Variants in TENM4 observed in about 807,000 individuals in gnomAD.
The protein encoded by TENM4 is teneurin-4.
Under a neutral mutation model 243.3 loss-of-function variants are expected in TENM4, and 82 were observed. The ratio of observed to expected loss-of-function variants is 0.34; its 90% CI spans 0.28 to 0.40. The LOEUF (loss-of-function observed/expected upper bound fraction) is 0.40. TENM4 is among the 10% of genes least tolerant of loss of function. The pLI, the probability that TENM4 is intolerant of heterozygous loss-of-function variation, is 1.00. For synonymous variants in TENM4, 1,412 were observed against 1,456.3 expected (o/e 0.97, Z 0.69); for missense variants, 3,138 against 3,673.3 (o/e 0.85, Z 3.77).
chr11:78,950,835 G>T (rs1388714765), intron 6 of TENM4, among the ~76,000 whole-genome samples: 1 of 152,196 alleles, frequency 6.6e-6, no homozygotes, highest in Non-Finnish European at 1.5e-5. Flanking sequence ...AATAATGACA[G>T]AGCCAACATT....
chr11:79,111,806 TG>T (rs1024904309), intron 4 of TENM4, among the ~76,000 whole-genome samples: 49 of 151,906 alleles, frequency 3.2e-4, no homozygotes, highest in Admixed American at 3.1e-3. Context: ...CAGAAGAACA[TG>T]GGTCATACAG....
At chr11:79,265,253 G>A (rs1355290890) in intron 2 of TENM4, among the ~76,000 whole-genome samples, 1 of 152,192 alleles carries the variant, frequency 6.6e-6, no homozygotes, top group Non-Finnish European at 1.5e-5. Context: ...GCACATGAAT[G>A]AAGGGGTGAG....
At chr11:78,792,962 C>T (rs1343628336) in intron 15 of TENM4, among the ~76,000 whole-genome samples, 1 of 152,018 alleles carries the variant, frequency 6.6e-6, no homozygotes, top group African/African-American at 2.4e-5. Flanking sequence ...GAGGAAGAGG[C>T]GAAAGAGCAG....
chr11:78,732,381 G>C lies in TENM4; in HGVS notation c.3073C>G (p.Pro1025Ala). ...NFARPNPVVS[P>A]SPLTSFASSC... ...CTGGCGAAGGACGTCAGTGGGGATG[G>C]AGAGACGACTGGGTTGGGGCGGGCA... Residue 1025 changes from proline to alanine, a missense_variant, in exon 21 of 34, where the codon CCA becomes GCA. By Grantham distance (27) the Pro-to-Ala change is conservative (BLOSUM62 -1). Around this residue, in one of 2 missense-constraint regions of TENM4, gnomAD observed 2,467 missense variants for 3,059.1 expected, o/e 0.81. Transcript: ENST00000278550. 6 of 1,614,024 alleles carry C rather than the reference G, an allele frequency of 3.7e-6. No homozygotes were observed. Among genetic ancestry groups the C allele is most frequent in the Non-Finnish European group, 5.1e-6 (6 of 1,179,874 alleles).
At chr11:79,168,051 T>C (rs1376652762) in intron 3 of TENM4, among the ~76,000 whole-genome samples, 1 of 152,204 alleles carries the variant, frequency 6.6e-6, no homozygotes, top group Non-Finnish European at 1.5e-5. Flanking sequence ...GGGCCATGGT[T>C]AGATCATTGT....
chr11:79,385,945 A>G (rs1858103108), intron 1 of TENM4, among the ~76,000 whole-genome samples: 1 of 152,340 alleles, frequency 6.6e-6, no homozygotes, highest in South Asian at 2.1e-4. Context: ...AACAGCACAG[A>G]ACAATCCCCC....
chr11:79,386,177 T>C (rs1858107988), intron 1 of TENM4, among the ~76,000 whole-genome samples: 1 of 152,100 alleles, frequency 6.6e-6, no homozygotes, highest in South Asian at 2.1e-4. Flanking sequence ...AGAGTGGTCT[T>C]TACAATAGAC....
In TENM4 at chr11:79,100,587, C is replaced by T. The variant is rs140959351; in HGVS notation, c.-65-30578G>A. ...GGGAATTTGTCTGTCTCATTTCCCA[C>T]GACATCATCCCTGTACCTATGGCGC... On this transcript the variant is annotated intron_variant, in intron 4 of 33. Coordinates refer to ENST00000278550, the MANE Select transcript of TENM4 (RefSeq NM_001098816.3). Among the ~76,000 whole-genome samples, 30 of 152,268 alleles carry T rather than the reference C, an allele frequency of 2.0e-4. 1 individual carries two copies. The highest frequency in any genetic ancestry group is 6.3e-4 in the African/African-American group (26 of 41,534).
At chr11:78,664,546 T>G (rs1858104609) in intron 32 of TENM4, among the ~76,000 whole-genome samples, 2 of 152,192 alleles carry the variant, frequency 1.3e-5, no homozygotes, top group Admixed American at 1.3e-4. Flanking sequence ...TTTTGAAGAA[T>G]GCAGCTCAGT....
chr11:79,433,190 C>G (rs1230634562), intron 1 of TENM4, among the ~76,000 whole-genome samples: 1 of 152,200 alleles, frequency 6.6e-6, no homozygotes, highest in Non-Finnish European at 1.5e-5. Flanking sequence ...CAGTAGATAG[C>G]TTGAAATCTT....
intron 1 of TENM4, among the ~76,000 whole-genome samples, chr11:79,383,433 C>G (rs1455470126): frequency 2.0e-5 from 3 of 152,224 alleles, no homozygotes; most frequent in Non-Finnish European, 4.4e-5. Flanking sequence ...TTCCTTCATT[C>G]AAGTCTCTTT....
intron 2 of TENM4, among the ~76,000 whole-genome samples, chr11:79,225,246 G>T (rs1184696963): frequency 2.0e-5 from 3 of 152,204 alleles, no homozygotes; most frequent in African/African-American, 7.2e-5. Flanking sequence ...AAGCACGTCT[G>T]CAGTGAGAGA....
chr11:78,734,620 G>C (rs1428095039), intron 20 of TENM4, among the ~76,000 whole-genome samples: 5 of 152,000 alleles, frequency 3.3e-5, no homozygotes, highest in Admixed American at 3.3e-4. Context: ...TTCAAAGCCT[G>C]TCTTAATTGG....
At chr11:79,192,358 G>T (rs1463231820) in intron 3 of TENM4, among the ~76,000 whole-genome samples, 3 of 152,224 alleles carry the variant, frequency 2.0e-5, no homozygotes, top group African/African-American at 7.2e-5. Context: ...TGAGAAATCG[G>T]ATGGTTGCCG....
chr11:78,745,583 G>C (rs1274766977), intron 19 of TENM4, among the ~76,000 whole-genome samples: 1 of 152,122 alleles, frequency 6.6e-6, no homozygotes, highest in African/African-American at 2.4e-5. Flanking sequence ...TGCCTCATGT[G>C]CTGGTCCAGA....
chr11:79,267,994 A>T (rs1436717010), intron 2 of TENM4, among the ~76,000 whole-genome samples: 2 of 152,244 alleles, frequency 1.3e-5, no homozygotes, highest in African/African-American at 4.8e-5. Context: ...AGGAATCTGC[A>T]GTTTTACTAG....
rs190271657 is a variant in TENM4 at position 79,215,825 on chromosome 11, C to G, written c.-180G>C. 1 of 985,750 alleles carries G rather than the reference C, an allele frequency of 1.0e-6. No homozygotes were observed. Among genetic ancestry groups the G allele is most frequent in the Non-Finnish European group, 1.2e-6 (1 of 829,924 alleles). 61.1% of individuals were successfully genotyped at this position (985,750 alleles called of 1,614,324 possible). A position where few individuals can be genotyped will look rare whatever the true frequency, so the allele number is the denominator to read the frequency against. On this transcript the variant is annotated 5_prime_UTR_variant, in exon 3 of 34. Coordinates refer to ENST00000278550, the MANE Select transcript of TENM4 (RefSeq NM_001098816.3). ...GGACTGACCTGGCTCCATGTCAGCA[C>G]GTTCTGAAGAGTCAGCAATGTCCGT... is the stretch of plus-strand genomic sequence containing the variant.
intron 2 of TENM4, among the ~76,000 whole-genome samples, chr11:79,289,781 T>A (rs1856322645): frequency 6.6e-6 from 1 of 152,220 alleles, no homozygotes; most frequent in African/African-American, 2.4e-5. Flanking sequence ...TAGCTTGTCA[T>A]CTATGTTTAC....
intron 30 of TENM4, among the ~76,000 whole-genome samples, chr11:78,675,943 C>T (rs1858457117): frequency 6.6e-6 from 1 of 152,184 alleles, no homozygotes; most frequent in African/African-American, 2.4e-5. Flanking sequence ...CAACTCAGAC[C>T]TGTCTAACAC....
Sources: allele counts gnomAD v4.1 joint callset (sites outside exome capture counted in the v4.1 genomes callset), GRCh38; gene constraint gnomAD v4.1.1; regional missense constraint gnomAD v4.1.1; transcripts MANE v1.5; gene names NCBI Gene and HGNC (gene_info 2026-07-23, HGNC 2026-07-21).